NTM: variants seen among roughly 807,000 people sequenced by gnomAD.
NTM encodes neurotrimin, also known as IgLON family member 2.
In NTM, 13 loss-of-function variants were observed where a neutral mutation model predicts 42.1. That is an observed-to-expected ratio of 0.31 (90% CI 0.20 to 0.49). NTM has a LOEUF of 0.49. Among genes scored for constraint, NTM ranks in the 20% least tolerant of loss-of-function variants. NTM has a pLI of 0.99. For missense variants in NTM, 373 were observed against 452.8 expected, an observed-to-expected ratio of 0.82 and a Z score of 1.60; for synonymous variants, 187 against 179.2, an observed-to-expected ratio of 1.04 and a Z score of -0.35.
chr11:132,232,408 CGCCCACCTGTCGCTGCTGCA>C (rs1279173883), intron 4 of NTM, among the ~76,000 whole-genome samples: 1 of 152,180 alleles, frequency 6.6e-6, no homozygotes, highest in Non-Finnish European at 1.5e-5. Context: ...CAGGACGAGT[CGCCCACCTGTCGCTGCTGCA>C]GCTGGCTTGT....
At chr11:131,735,838 GTGT>G (rs1565483535) in intron 1 of NTM, among the ~76,000 whole-genome samples, 26 of 99,364 alleles carry the variant, frequency 2.6e-4, no homozygotes, top group East Asian at 1.8e-3. Context: ...TTCATAAGGT[GTGT>G]GTGTGTGTGT....
intron 1 of NTM, among the ~76,000 whole-genome samples, chr11:131,644,038 G>A (rs999837684): frequency 6.6e-5 from 10 of 152,204 alleles, no homozygotes; most frequent in Admixed American, 5.9e-4. Flanking sequence ...ATACAGAGTG[G>A]TGTCAGGGGA....
intron 1 of NTM, among the ~76,000 whole-genome samples, chr11:131,646,622 T>G (rs1321055588): frequency 1.3e-5 from 2 of 152,228 alleles, no homozygotes; most frequent in African/African-American, 4.8e-5. Flanking sequence ...TACTAAAATT[T>G]TTTGTGTATT....
chr11:132,089,575 T>A (rs192074405), intron 2 of NTM, among the ~76,000 whole-genome samples: 1 of 152,326 alleles, frequency 6.6e-6, no homozygotes, highest in Non-Finnish European at 1.5e-5. Context: ...AAAAGATGAA[T>A]TTTTTCATAA....
At chr11:131,547,133 C>T (rs1027701055) in intron 1 of NTM, among the ~76,000 whole-genome samples, 126 of 152,316 alleles carry the variant, frequency 8.3e-4, no homozygotes, top group African/African-American at 2.8e-3. Flanking sequence ...CCATGACCTA[C>T]ATGGAGTTTC....
chr11:132,189,537 A>C (rs2078959607), intron 3 of NTM, among the ~76,000 whole-genome samples: 1 of 152,264 alleles, frequency 6.6e-6, no homozygotes, highest in African/African-American at 2.4e-5. Flanking sequence ...AAGGAACCGA[A>C]CTTGGACTTC....
chr11:131,680,769 C>T (rs1294449778), intron 1 of NTM, among the ~76,000 whole-genome samples: 1 of 141,896 alleles, frequency 7.0e-6, no homozygotes, highest in African/African-American at 2.6e-5. Context: ...GAGATCATGC[C>T]TATGTCTATG....
intron 1 of NTM, among the ~76,000 whole-genome samples, chr11:131,704,076 C>G (rs912418603): frequency 6.6e-6 from 1 of 150,732 alleles, no homozygotes; most frequent in Admixed American, 6.6e-5. Flanking sequence ...TTACAACCCC[C>G]CTGGTTCCAA....
intron 2 of NTM, among the ~76,000 whole-genome samples, chr11:131,975,323 G>T (rs1017725242): frequency 2.6e-5 from 4 of 152,046 alleles, no homozygotes; most frequent in African/African-American, 9.7e-5. Flanking sequence ...AGGACTACAG[G>T]TGCACGCCAC....
chr11:132,043,179 A>G (rs191477224), intron 2 of NTM, among the ~76,000 whole-genome samples: 1 of 152,296 alleles, frequency 6.6e-6, no homozygotes, highest in East Asian at 1.9e-4. Context: ...TCCTAGGTTT[A>G]GTCTCACATT....
intron 4 of NTM, among the ~76,000 whole-genome samples, chr11:132,224,441 A>G (rs2085788003): frequency 6.6e-6 from 1 of 152,038 alleles, no homozygotes; most frequent in Non-Finnish European, 1.5e-5. Flanking sequence ...GGAGAGCCTG[A>G]TGATGTTAGG....
chr11:131,924,581 T>G (rs1349679736), intron 2 of NTM, among the ~76,000 whole-genome samples: 2 of 152,112 alleles, frequency 1.3e-5, no homozygotes, highest in African/African-American at 4.8e-5. Context: ...CCTGTGAAAT[T>G]CTTTATGTTC....
chr11:131,978,555 C>T (rs907575508), intron 2 of NTM, among the ~76,000 whole-genome samples: 3 of 152,036 alleles, frequency 2.0e-5, no homozygotes, highest in African/African-American at 4.8e-5. Flanking sequence ...TCCCGAGGCT[C>T]CTGCAGCAGT....
At chr11:132,255,081 T>C (rs1022921748) in intron 4 of NTM, among the ~76,000 whole-genome samples, 1 of 152,238 alleles carries the variant, frequency 6.6e-6, no homozygotes, top group Non-Finnish European at 1.5e-5. Flanking sequence ...GAGTTGAGGT[T>C]TCTATGCCTG....
chr11:132,095,145 T>C (rs11222916), intron 2 of NTM, among the ~76,000 whole-genome samples: 52,326 of 152,080 alleles, frequency 0.34, 9,332 homozygotes, highest in Middle Eastern at 0.38. Flanking sequence ...GCACCTACTT[T>C]GTGGCTGCAG....
At chr11:131,565,419 G>A (rs1248827885) in intron 1 of NTM, among the ~76,000 whole-genome samples, 5 of 152,100 alleles carry the variant, frequency 3.3e-5, no homozygotes, top group African/African-American at 9.7e-5. Flanking sequence ...CTCCTGCCTC[G>A]CTGCTGCCTC....
intron 1 of NTM, among the ~76,000 whole-genome samples, chr11:131,712,619 T>A (rs78883764): frequency 0.025 from 3,743 of 152,252 alleles, 148 homozygotes; most frequent in African/African-American, 0.085. Flanking sequence ...AGTGATTTTT[T>A]TTTTTTTAAG....
At chr11:131,540,487 G>T (rs1386209932) in intron 1 of NTM, 1 of 152,128 alleles carries the variant, frequency 6.6e-6, no homozygotes, top group Non-Finnish European at 1.5e-5. Flanking sequence ...ATTTTTTAAA[G>T]ATACTGACGA....
At chr11:132,315,526 A>C (rs1054517315) in intron 7 of NTM, among the ~76,000 whole-genome samples, 1 of 152,204 alleles carries the variant, frequency 6.6e-6, no homozygotes, top group Admixed American at 6.5e-5. Context: ...GAGATTTTTC[A>C]AACCTGTCTC....
Sources: allele counts gnomAD v4.1 joint callset (sites outside exome capture counted in the v4.1 genomes callset), GRCh38; gene constraint gnomAD v4.1.1; transcripts MANE v1.5; gene names NCBI Gene and HGNC (gene_info 2026-07-23, HGNC 2026-07-21).